Variants in FRMD4B observed in about 807,000 individuals in gnomAD.
The protein encoded by FRMD4B is FERM domain containing 4B.
FRMD4B carries 74 observed loss-of-function variants against 141.5 expected under a neutral mutation model. The observed-to-expected ratio is 0.52, with a 90% CI of 0.43 to 0.63. The LOEUF is 0.63. Ranked by LOEUF, FRMD4B falls within the 30% of genes least tolerant of loss-of-function variation. The pLI is 0.00. For missense variants in FRMD4B, 1,366 were observed against 1,253.4 expected, an observed-to-expected ratio of 1.09 and a Z score of -1.36; for synonymous variants, 506 against 467.9, an observed-to-expected ratio of 1.08 and a Z score of -1.05.
In FRMD4B at chr3:69,196,380, G is replaced by C. The variant is rs1559705835; in HGVS notation, c.1109C>G (p.Ala370Gly). ...RKQSKAKIPS[A>G]RSLDEIAMDL... ...CATTGCAATCTCATCTAAACTCCTGGCTGAAGGAATTTTTGCCTAAGAGGC... is the reference window on the plus strand; with the variant it reads ...CATTGCAATCTCATCTAAACTCCTGCCTGAAGGAATTTTTGCCTAAGAGGC... The change falls in exon 14 of 23, where the codon GCC becomes GGC. Residue 370 changes from alanine (A) to glycine (G), a missense_variant. Transcript: ENST00000398540. 2 of 1,608,944 alleles carry C rather than the reference G, an allele frequency of 1.2e-6. No individual in the cohort carries two copies. The highest frequency in any genetic ancestry group is 1.1e-5 in the South Asian group (1 of 89,774).
chr3:69,304,483 C>CAAAAAAAA (rs1313360753), intron 3 of FRMD4B, among the ~76,000 whole-genome samples: 1 of 67,592 alleles, frequency 1.5e-5, no homozygotes, highest in Non-Finnish European at 3.0e-5. Context: ...GATTCTATCT[C>CAAAAAAAA]AAAAAAAAAA....
intron 7 of FRMD4B, among the ~76,000 whole-genome samples, chr3:69,242,634 T>C (rs2093394141): frequency 1.3e-5 from 2 of 150,002 alleles, no homozygotes; most frequent in Admixed American, 1.3e-4. Context: ...CACTTTTTCT[T>C]ACAAGTAGAA....
intron 7 of FRMD4B, among the ~76,000 whole-genome samples, chr3:69,229,182 T>C (rs905456982): frequency 2.0e-5 from 3 of 151,870 alleles, no homozygotes; most frequent in African/African-American, 4.8e-5. Flanking sequence ...CGTGCCACCA[T>C]GTCTGGCTAA....
intron 1 of FRMD4B, among the ~76,000 whole-genome samples, chr3:69,337,418 A>ATG (rs1179691902): frequency 1.3e-5 from 2 of 152,336 alleles, no homozygotes; most frequent in African/African-American, 4.8e-5. Flanking sequence ...TGTCTAAAAC[A>ATG]CCAAAAGCAA....
At chr3:69,375,187 C>G (rs1404655014) in intron 1 of FRMD4B, among the ~76,000 whole-genome samples, 1 of 150,262 alleles carries the variant, frequency 6.7e-6, no homozygotes, top group African/African-American at 2.4e-5. Flanking sequence ...ACTTACCTGT[C>G]CACCCATCCA....
intron 5 of FRMD4B, among the ~76,000 whole-genome samples, chr3:69,270,179 C>A (rs904904202): frequency 6.6e-6 from 1 of 152,330 alleles, no homozygotes; most frequent in African/African-American, 2.4e-5. Context: ...CCAAACCCAG[C>A]TCTCTCAGTC....
At chr3:69,355,598 T>C (rs1162642711) in intron 1 of FRMD4B, among the ~76,000 whole-genome samples, 1 of 152,140 alleles carries the variant, frequency 6.6e-6, no homozygotes, top group Non-Finnish European at 1.5e-5. Flanking sequence ...TGGGCTAGAT[T>C]AGGCAAGGCT....
In FRMD4B at chr3:69,203,320, CAAAAA is replaced by C. The variant is rs796607832; in HGVS notation, c.877-4551_877-4547del. Among the ~76,000 whole-genome samples the C allele has an allele frequency of 2.0e-3, 220 of 107,878 alleles. 1 individual carries two copies. The highest frequency in any genetic ancestry group is 7.6e-3 in the African/African-American group (204 of 26,756). 70.8% of individuals were successfully genotyped at this position (107,878 alleles called of 152,430 possible). ...ATCTGAGGGTACTGTCAAACTTCAG[CAAAAA>C]AAAAAAAAAAAAAAAAAAAGAAAGA... On this transcript the variant is annotated intron_variant, in intron 11 of 22. Transcript: ENST00000398540.
intron 22 of FRMD4B, among the ~76,000 whole-genome samples, chr3:69,176,208 T>C (rs1227284329): frequency 6.6e-6 from 1 of 152,098 alleles, no homozygotes; most frequent in Non-Finnish European, 1.5e-5. Flanking sequence ...CTGAATGAGT[T>C]AGATTAGGGG....
intron 1 of FRMD4B, among the ~76,000 whole-genome samples, chr3:69,477,042 G>C (rs1440433253): frequency 6.6e-6 from 1 of 152,050 alleles, no homozygotes; most frequent in Non-Finnish European, 1.5e-5. Flanking sequence ...TGTGATTTTT[G>C]TACATTGATT....
chr3:69,462,215 A>G (rs1394382107), intron 1 of FRMD4B, among the ~76,000 whole-genome samples: 1 of 152,178 alleles, frequency 6.6e-6, no homozygotes, highest in African/African-American at 2.4e-5. Context: ...ACCAGAGCTC[A>G]GTCTTGCCGG....
At chr3:69,178,942 C>T (rs1286521180) in intron 21 of FRMD4B, among the ~76,000 whole-genome samples, 1 of 151,698 alleles carries the variant, frequency 6.6e-6, no homozygotes, top group Non-Finnish European at 1.5e-5. Flanking sequence ...ATTACTAAAA[C>T]TGAGTCACCG....
At chr3:69,393,038 A>G (rs1704412654) in intron 2 of FRMD4B, among the ~76,000 whole-genome samples, 1 of 152,144 alleles carries the variant, frequency 6.6e-6, no homozygotes, top group African/African-American at 2.4e-5. Flanking sequence ...CTCATAGTCC[A>G]AGGCTGACCA....
chr3:69,196,659 A>C (rs2092908591), intron 13 of FRMD4B: 2 of 578,034 alleles, frequency 3.5e-6, no homozygotes, highest in African/African-American at 3.8e-5. Context: ...CACCGCCAGC[A>C]GTGTCACCAG....
chr3:69,287,674 A>G (rs762048658), intron 5 of FRMD4B, 78 bp downstream of exon 5: 1 of 748,712 alleles, frequency 1.3e-6, no homozygotes, highest in South Asian at 1.6e-5. Flanking sequence ...GAATGCAAGA[A>G]GAGAGGCAAA....
chr3:69,312,568 T>G (rs961424738), intron 2 of FRMD4B, among the ~76,000 whole-genome samples: 2 of 151,944 alleles, frequency 1.3e-5, no homozygotes, highest in African/African-American at 4.8e-5. Context: ...TGGTCCAGAG[T>G]GTTGGGTGAA....
At position 69,330,340 on chromosome 3, in the gene FRMD4B, C is replaced by CTCTTTT. The variant is rs1225031283; in HGVS notation, c.163-16824_163-16823insAAAAGA. Among the ~76,000 whole-genome samples the CTCTTTT allele has an allele frequency of 5.1e-3, 218 of 42,988 alleles. 14 individuals carry two copies. The highest frequency in any genetic ancestry group is 0.024 in the African/African-American group (204 of 8,384). The allele number at this position is 42,988 out of a possible 152,430, so 28.2% of individuals were successfully genotyped here. On this transcript the variant is annotated intron_variant, in intron 1 of 22. Coordinates refer to ENST00000398540, the MANE Select transcript of FRMD4B (RefSeq NM_015123.3). ...CAACATTATATTTTGATTCTTTTGC[C>CTCTTTT]TTTTTTTTTTTTTTTTTTTTTTTTG...
At chr3:69,477,845 TG>T (rs1706030046) in intron 1 of FRMD4B, among the ~76,000 whole-genome samples, 1 of 151,162 alleles carries the variant, frequency 6.6e-6, no homozygotes, top group Non-Finnish European at 1.5e-5. Flanking sequence ...GGACTCTTTT[TG>T]GTTGGTAAGC....
rs180821294 is a variant in FRMD4B at position 69,219,259 on chromosome 3, G to T, written c.732-880C>A. ...GTAGTGTTTATTGTACACCTTTAAG[G>T]CTTTGGGGTGGACTAAATTTTGTAA... On this transcript the variant is annotated intron_variant, in intron 9 of 22. Coordinates refer to ENST00000398540, the MANE Select transcript of FRMD4B (RefSeq NM_015123.3). 9.6e-4 allele frequency among the ~76,000 whole-genome samples: 146 copies of T among 152,054 alleles called. 2 individuals carry two copies. Among genetic ancestry groups the T allele is most frequent in the Admixed American group, 1.3e-3 (20 of 15,242 alleles).
Sources: gnomAD v4.1 joint callset for allele counts (sites outside exome capture counted in the v4.1 genomes callset) on GRCh38, gnomAD v4.1.1 for gene constraint, MANE v1.5 for transcripts, NCBI Gene and HGNC (gene_info 2026-07-23, HGNC 2026-07-21) for gene names.